CRACDL: variants seen among roughly 807,000 people sequenced by gnomAD.
The protein encoded by CRACDL is CRACD like.
A neutral mutation model predicts 70.6 loss-of-function variants in CRACDL; 26 were observed. That is an observed-to-expected ratio of 0.37 (90% CI 0.27 to 0.51). The LOEUF (loss-of-function observed/expected upper bound fraction) is 0.51. Ranked by LOEUF, CRACDL falls within the 20% of genes least tolerant of loss-of-function variation. The probability of loss-of-function intolerance (pLI) is 0.94; values close to 1 mark genes in which losing one functional copy is unlikely to be tolerated. For synonymous variants in CRACDL, 618 were observed against 615.2 expected (o/e 1.00, Z -0.07); for missense variants, 1,283 against 1,376.9 (o/e 0.93, Z 1.08).
In CRACDL at chr2:98,794,570, A is replaced by T. The variant is rs778464030; in HGVS notation, c.2851T>A (p.Ser951Thr). 7.4e-6 allele frequency: 12 copies of T among 1,613,818 alleles called. No homozygotes were observed. Among genetic ancestry groups the T allele is most frequent in the Non-Finnish European group, 1.0e-5 (12 of 1,179,914 alleles). ...TGGGGCATGTCACTCCAAGCTTGAG[A>T]TTTCTTTCTGGCAAGTTCCATCCAG... Reference protein sequence around the residue: ...PSWMELARKKSQAWSDMPQII... With the variant: ...PSWMELARKKTQAWSDMPQII... Residue 951 changes from serine (S) to threonine (T), a missense_variant, in exon 10 of 10, where the codon TCT (serine) becomes ACT (threonine). By Grantham distance (58) the Ser-to-Thr change is moderately conservative. Coordinates refer to ENST00000397899, the MANE Select transcript of CRACDL (RefSeq NM_207362.3).
chr2:98,889,139 G>A (rs756315871), intron 1 of CRACDL, among the ~76,000 whole-genome samples: 2 of 146,294 alleles, frequency 1.4e-5, no homozygotes, highest in Admixed American at 7.0e-5. Context: ...AAAAAAGGGG[G>A]GGGAAGAAAA....
chr2:98,811,617 C>G (rs1704568124), intron 7 of CRACDL, among the ~76,000 whole-genome samples: 1 of 151,132 alleles, frequency 6.6e-6, no homozygotes, highest in Non-Finnish European at 1.5e-5. Flanking sequence ...CGTTTAGCTT[C>G]TTATAACAAC....
intron 7 of CRACDL, among the ~76,000 whole-genome samples, chr2:98,801,731 G>A (rs537092992): frequency 3.9e-5 from 6 of 152,296 alleles, no homozygotes; most frequent in Non-Finnish European, 5.9e-5. Flanking sequence ...ACCTCTCAGC[G>A]TGGTTGGTGA....
At chr2:98,829,938 C>G (rs1247840059) in intron 5 of CRACDL, among the ~76,000 whole-genome samples, 2 of 152,210 alleles carry the variant, frequency 1.3e-5, no homozygotes, top group African/African-American at 4.8e-5. Flanking sequence ...CCCTCTGAGC[C>G]AAAACCCTCT....
chr2:98,838,048 A>C, intron 3 of CRACDL, 71 bp downstream of exon 3: 1 of 1,343,670 alleles, frequency 7.4e-7, no homozygotes. Flanking sequence ...TCAGAAATCC[A>C]GCAAGTTACC....
chr2:98,864,206 T>C (rs949312987), intron 1 of CRACDL, among the ~76,000 whole-genome samples: 5 of 152,190 alleles, frequency 3.3e-5, no homozygotes, highest in African/African-American at 9.7e-5. Flanking sequence ...TACATATATG[T>C]AATGAAATAT....
At chr2:98,828,479 G>C (rs1705406886) in intron 5 of CRACDL, among the ~76,000 whole-genome samples, 1 of 152,206 alleles carries the variant, frequency 6.6e-6, no homozygotes, top group South Asian at 2.1e-4. Flanking sequence ...CGAACTCCTA[G>C]GGTCATGGGC....
intron 3 of CRACDL, among the ~76,000 whole-genome samples, chr2:98,835,269 G>GA: frequency 6.6e-6 from 1 of 152,222 alleles, no homozygotes. Flanking sequence ...GAAAGGTTTA[G>GA]AATCAGTGAC....
chr2:98,820,857 C>A (rs1332804385), intron 7 of CRACDL, among the ~76,000 whole-genome samples: 1 of 152,184 alleles, frequency 6.6e-6, no homozygotes, highest in Non-Finnish European at 1.5e-5. Flanking sequence ...TGCAGCTGAG[C>A]CACGTGAACC....
rs142003773 is a variant in CRACDL, at chr2:98,811,139, C to T, written c.2416+10718G>A. Among the ~76,000 whole-genome samples, 396 of 152,076 alleles carry T rather than the reference C, an allele frequency of 2.6e-3. 1 individual carries two copies. The highest frequency in any genetic ancestry group is 9.2e-3 in the African/African-American group (381 of 41,490). On this transcript the variant is annotated intron_variant, in intron 7 of 9. Transcript: ENST00000397899. Reference sequence around the variant, plus strand: ...GGGAAACACGATGAATCTGGTGGTGCGGTTCCCCCTGGGGAGTGGGATTAA... The same window carrying T: ...GGGAAACACGATGAATCTGGTGGTGTGGTTCCCCCTGGGGAGTGGGATTAA...
intron 1 of CRACDL, among the ~76,000 whole-genome samples, chr2:98,879,716 T>C (rs1707587585): frequency 6.6e-6 from 1 of 152,162 alleles, no homozygotes; most frequent in Admixed American, 6.5e-5. Flanking sequence ...CAGCTAATAT[T>C]TTACATTTTA....
At chr2:98,830,975 C>T (rs1705517262) in intron 5 of CRACDL, among the ~76,000 whole-genome samples, 1 of 152,138 alleles carries the variant, frequency 6.6e-6, no homozygotes. Flanking sequence ...TACTGCATAG[C>T]TCAGAAATAC....
chr2:98,900,785 C>CA (rs1313885206), intron 1 of CRACDL, among the ~76,000 whole-genome samples: 1 of 152,158 alleles, frequency 6.6e-6, no homozygotes, highest in Non-Finnish European at 1.5e-5. Flanking sequence ...GAAAATGACG[C>CA]AAGGGCCCAA....
chr2:98,928,291 G>A (rs1708983877), intron 1 of CRACDL, among the ~76,000 whole-genome samples: 2 of 152,218 alleles, frequency 1.3e-5, no homozygotes, highest in South Asian at 2.1e-4. Context: ...ACGTATGTAT[G>A]TATAGTCAGT....
At chr2:98,918,941 C>G (rs889007789) in intron 1 of CRACDL, among the ~76,000 whole-genome samples, 1 of 152,066 alleles carries the variant, frequency 6.6e-6, no homozygotes, top group Middle Eastern at 3.2e-3. Context: ...TCATTTAAGT[C>G]TCATTTGTCT....
intron 1 of CRACDL, among the ~76,000 whole-genome samples, chr2:98,931,363 C>T (rs1428419823): frequency 6.6e-6 from 1 of 151,584 alleles, no homozygotes; most frequent in African/African-American, 2.4e-5. Flanking sequence ...GAGCCTGACT[C>T]CCCTGACCTT....
Position 98,915,789 on chromosome 2 carries a change from C to T in CRACDL, c.-11+20149G>A, listed in dbSNP as rs372378428. On this transcript the variant is annotated intron_variant, in intron 1 of 9. Transcript: ENST00000397899. ...ATCAAGCTTTCTCCAACTCTCCCAC[C>T]GAGGCAAGGCACAAAGGCAATTACT... 5.3e-5 allele frequency among the ~76,000 whole-genome samples: 8 copies of T among 152,014 alleles called. No homozygotes were observed. The South Asian group carries it at 6.2e-4, about 12-fold the overall frequency.
At chr2:98,904,375 T>C (rs1708354573) in intron 1 of CRACDL, among the ~76,000 whole-genome samples, 1 of 152,214 alleles carries the variant, frequency 6.6e-6, no homozygotes, top group South Asian at 2.1e-4. Context: ...AGTCTCTCCA[T>C]GGGAGCCCTC....
chr2:98,796,326 C>G (rs142717669), intron 8 of CRACDL, 62 bp from the exon 9 acceptor site: 2 of 1,545,842 alleles, frequency 1.3e-6, no homozygotes, highest in Admixed American at 3.4e-5. Flanking sequence ...GCAAACACAT[C>G]CAAAGTGAAG....
Sources: gnomAD v4.1 joint callset for allele counts (sites outside exome capture counted in the v4.1 genomes callset) on GRCh38, gnomAD v4.1.1 for gene constraint, MANE v1.5 for transcripts, NCBI Gene and HGNC (gene_info 2026-07-23, HGNC 2026-07-21) for gene names.